The following ARHGAP23 variants were observed in gnomAD, a reference collection of about 807,000 sequenced individuals.
ARHGAP23 encodes rho GTPase-activating protein 23.
ARHGAP23 carries 34 observed loss-of-function variants against 136.3 expected under a neutral mutation model. That is an observed-to-expected ratio of 0.25 (90% confidence interval 0.19 to 0.33). ARHGAP23 has a LOEUF of 0.33. Ranked by LOEUF, ARHGAP23 falls within the 10% of genes least tolerant of loss-of-function variation. The pLI is 1.00. For missense variants in ARHGAP23, 1,808 were observed against 2,139.0 expected (o/e 0.85, Z 3.05); for synonymous variants, 832 against 920.5 (o/e 0.90, Z 1.74).
At chr17:38,488,546 GTTGTT>G (rs1567818827) in intron 17 of ARHGAP23, among the ~76,000 whole-genome samples, 1 of 152,156 alleles carries the variant, frequency 6.6e-6, no homozygotes, top group African/African-American at 2.4e-5. Flanking sequence ...TTTTGTTGTT[GTTGTT>G]TTGTTTTGTT....
intron 1 of ARHGAP23, chr17:38,453,711 G>A (rs924057674): frequency 1.5e-4 from 23 of 149,452 alleles, no homozygotes; most frequent in African/African-American, 5.4e-4. Flanking sequence ...GGAGGCGCAG[G>A]AGGCGCGGAG....
At chr17:38,427,882 A>G (rs1283991327), upstream of ARHGAP23, among the ~76,000 whole-genome samples, 2 of 152,084 alleles carry the variant, frequency 1.3e-5, no homozygotes, top group African/African-American at 4.8e-5. Context: ...TTGTGTCTCA[A>G]TGTCTAGGGG....
At chr17:38,499,306 A>G (rs1318960055) in intron 22 of ARHGAP23, among the ~76,000 whole-genome samples, 3 of 152,224 alleles carry the variant, frequency 2.0e-5, no homozygotes, top group Admixed American at 2.0e-4. Context: ...GAGACCAGCG[A>G]TGCCACGCCC....
intron 17 of ARHGAP23, among the ~76,000 whole-genome samples, chr17:38,488,746 A>G (rs1473469308): frequency 1.3e-5 from 2 of 152,020 alleles, no homozygotes; most frequent in African/African-American, 2.4e-5. Context: ...ACGGGGTTTC[A>G]CCACGTTGGC....
intron 20 of ARHGAP23, among the ~76,000 whole-genome samples, chr17:38,495,037 A>G (rs2040361285): frequency 6.6e-6 from 1 of 152,180 alleles, no homozygotes; most frequent in Admixed American, 6.5e-5. Context: ...GACATCTATT[A>G]TACATTAACA....
upstream of ARHGAP23, among the ~76,000 whole-genome samples, chr17:38,425,147 G>A (rs1597729085): frequency 6.6e-6 from 1 of 152,230 alleles, no homozygotes; most frequent in East Asian, 1.9e-4. Context: ...GCACGGAAGC[G>A]CCTCTGGGCA....
At chr17:38,483,329 T>G (rs1280108195) in intron 16 of ARHGAP23, among the ~76,000 whole-genome samples, 1 of 152,214 alleles carries the variant, frequency 6.6e-6, no homozygotes, top group South Asian at 2.1e-4. Flanking sequence ...GAAAGAGAAG[T>G]GGCTGATCAG....
At chr17:38,442,523 G>A (rs62073421) in intron 1 of ARHGAP23, among the ~76,000 whole-genome samples, 1 of 152,230 alleles carries the variant, frequency 6.6e-6, no homozygotes, top group Non-Finnish European at 1.5e-5. Context: ...AGCCCTGTGG[G>A]GAGATGTTGG....
chr17:38,496,523 C>A (rs534695394), intron 20 of ARHGAP23, among the ~76,000 whole-genome samples: 1 of 152,166 alleles, frequency 6.6e-6, no homozygotes, highest in Non-Finnish European at 1.5e-5. Context: ...TTAGTTATTT[C>A]TTGGAGCTTG....
chr17:38,467,005 C>T lies in ARHGAP23; in HGVS notation c.1322C>T (p.Ser441Leu). 6.4e-7 allele frequency: 1 copy of T among 1,550,758 alleles called. No individual in the cohort carries two copies. The highest frequency in any genetic ancestry group is 8.7e-7 in the Non-Finnish European group (1 of 1,146,984). ...CTCCATGCGCTCTCCTTCCGGGACT[C>T]ACCCTTTGGGGGGCTGCCTACCTTC... is the stretch of plus-strand genomic sequence containing the variant. ...GLLHALSFRDSPFGGLPTFNL... is the reference protein window; with the variant it reads ...GLLHALSFRDLPFGGLPTFNL... Residue 441 changes from serine (S) to leucine (L), a missense_variant, in exon 7 of 24, where the codon TCA becomes TTA. Physicochemically the swap from Ser to Leu is moderately radical, Grantham distance 145. This residue lies in a region of ARHGAP23 where 859 missense variants were observed against 936.4 expected (regional missense o/e 0.92). Coordinates refer to ENST00000622683, the MANE Select transcript of ARHGAP23 (RefSeq NM_001199417.2).
chr17:38,465,164 C>T lies in ARHGAP23; in HGVS notation c.484-1003C>T, dbSNP rs529061552. ...TGATGCCGGGAGCCTGGGGAGACGGCGGGATGGCAGGAGGGAGAGGTATGT... is the reference window on the plus strand; with the variant it reads ...TGATGCCGGGAGCCTGGGGAGACGGTGGGATGGCAGGAGGGAGAGGTATGT... On this transcript the variant is annotated intron_variant, in intron 6 of 23. Coordinates refer to ENST00000622683, the MANE Select transcript of ARHGAP23 (RefSeq NM_001199417.2). Among the ~76,000 whole-genome samples, 6 of 148,198 alleles carry T rather than the reference C, an allele frequency of 4.0e-5. No homozygotes were observed. In the East Asian group the frequency reaches 7.9e-4, roughly 19 times the overall value.
intron 10 of ARHGAP23, among the ~76,000 whole-genome samples, chr17:38,470,489 T>G (rs1258878090): frequency 6.6e-6 from 1 of 152,108 alleles, no homozygotes; most frequent in Non-Finnish European, 1.5e-5. Context: ...ACAGGTAGAG[T>G]TCCCAGCCTC....
chr17:38,461,031 C>A (rs1443668282), intron 3 of ARHGAP23, 99 bp downstream of exon 3: 1 of 1,482,202 alleles, frequency 6.7e-7, no homozygotes, highest in Non-Finnish European at 9.0e-7. Flanking sequence ...TTTTCTGTGC[C>A]CCCCTCCCTT....
At chr17:38,423,194 A>C (rs2038536147) in intron 1 of ARHGAP23, among the ~76,000 whole-genome samples, 3 of 150,724 alleles carry the variant, frequency 2.0e-5, no homozygotes, top group Admixed American at 2.0e-4. Context: ...GGTGCTCAAT[A>C]ATTTTTTTTT....
intron 1 of ARHGAP23, among the ~76,000 whole-genome samples, chr17:38,433,568 G>A (rs908717268): frequency 3.3e-5 from 5 of 152,176 alleles, no homozygotes; most frequent in African/African-American, 1.2e-4. Context: ...TTCAGCAAAG[G>A]CTTGGCACAG....
At chr17:38,478,151 T>A (rs2039942908) in intron 12 of ARHGAP23, among the ~76,000 whole-genome samples, 1 of 152,154 alleles carries the variant, frequency 6.6e-6, no homozygotes, top group Non-Finnish European at 1.5e-5. Flanking sequence ...CAGGGATGAT[T>A]GTGACTGTGT....
intron 11 of ARHGAP23, among the ~76,000 whole-genome samples, chr17:38,476,659 GGGAGA>G (rs770821340): frequency 9.2e-5 from 14 of 152,166 alleles, no homozygotes; most frequent in South Asian, 6.2e-4. Context: ...GAGGTGTGCA[GGGAGA>G]GGAGAGGAGA....
At chr17:38,479,547 G>C (rs553370143) in intron 13 of ARHGAP23, 50 bp downstream of exon 13, 2 of 1,530,746 alleles carry the variant, frequency 1.3e-6, no homozygotes, top group Admixed American at 2.0e-5. Context: ...GTGGTAGGGG[G>C]CTGAAGGCAA....
intron 3 of ARHGAP23, among the ~76,000 whole-genome samples, chr17:38,462,236 C>G (rs1428580866): frequency 6.7e-6 from 1 of 148,206 alleles, no homozygotes; most frequent in Admixed American, 6.8e-5. Flanking sequence ...GCGTGAACCA[C>G]CGCACCCGGC....
Sources: allele counts gnomAD v4.1 joint callset (sites outside exome capture counted in the v4.1 genomes callset), GRCh38; gene constraint gnomAD v4.1.1; regional missense constraint gnomAD v4.1.1; transcripts MANE v1.5; gene names NCBI Gene and HGNC (gene_info 2026-07-23, HGNC 2026-07-21).